Variants in GABRB3 observed in about 807,000 individuals in gnomAD.
GABRB3 encodes gamma-aminobutyric acid type A receptor subunit beta3.
Under a neutral mutation model 52.1 loss-of-function variants are expected in GABRB3, and 14 were observed. That is an observed-to-expected ratio of 0.27 (90% CI 0.18 to 0.42). The LOEUF (loss-of-function observed/expected upper bound fraction) is 0.42. GABRB3 is among the 10% of genes least tolerant of loss of function. The probability of loss-of-function intolerance (pLI) is 1.00; values close to 1 mark genes in which losing one functional copy is unlikely to be tolerated. For synonymous variants in GABRB3, 260 were observed against 232.3 expected (o/e 1.12, Z -1.08); for missense variants, 307 against 609.1 (o/e 0.50, Z 5.22).
At chr15:26,753,268 G>A (rs1339957926) in intron 3 of GABRB3, among the ~76,000 whole-genome samples, 1 of 152,190 alleles carries the variant, frequency 6.6e-6, no homozygotes, top group Non-Finnish European at 1.5e-5. Flanking sequence ...AGAGCCGTGA[G>A]GGCTACCTAC....
At chr15:26,646,742 A>G (rs559944358) in intron 3 of GABRB3, among the ~76,000 whole-genome samples, 9 of 152,290 alleles carry the variant, frequency 5.9e-5, no homozygotes, top group Admixed American at 2.0e-4. Context: ...TGGTCATCCT[A>G]GCTGGAATTA....
intron 3 of GABRB3, among the ~76,000 whole-genome samples, chr15:26,725,191 A>G (rs940058957): frequency 1.2e-4 from 19 of 152,318 alleles, no homozygotes; most frequent in African/African-American, 4.6e-4. Flanking sequence ...AAACATACAC[A>G]CAAAGGTCTG....
chr15:26,642,769 T>C (rs1012493408), intron 3 of GABRB3, among the ~76,000 whole-genome samples: 5 of 152,200 alleles, frequency 3.3e-5, no homozygotes, highest in Admixed American at 6.5e-5. Flanking sequence ...TGAACATTTA[T>C]TAAATGAATT....
At chr15:26,615,634 C>A in intron 4 of GABRB3, 1 of 626,326 alleles carries the variant, frequency 1.6e-6, no homozygotes, top group South Asian at 5.5e-5. Context: ...AGTTGACGTA[C>A]AAACCTACGT....
At chr15:26,668,914 AG>A (rs1286618831) in intron 3 of GABRB3, among the ~76,000 whole-genome samples, 1 of 152,240 alleles carries the variant, frequency 6.6e-6, no homozygotes, top group African/African-American at 2.4e-5. Context: ...TATTCCCTGC[AG>A]GGTACCCTTG....
chr15:26,669,829 G>C (rs1354772001), intron 3 of GABRB3, among the ~76,000 whole-genome samples: 2 of 152,140 alleles, frequency 1.3e-5, no homozygotes, highest in Admixed American at 6.5e-5. Flanking sequence ...TTGTTTCAAG[G>C]TTCTTGTTTT....
In GABRB3 at chr15:26,567,610, T is replaced by C; in HGVS notation, c.806A>G (p.Tyr269Cys). 3 of 1,614,024 alleles carry C rather than the reference T, an allele frequency of 1.9e-6. No individual in the cohort carries two copies. Among genetic ancestry groups the C allele is most frequent in the Non-Finnish European group, 2.5e-6 (3 of 1,180,012 alleles). ...ILSWVSFWIN[Y>C]DASAARVALG... The stretch of plus-strand genomic sequence containing the variant: ...GGCAACTCTAGCAGCAGATGCATCA[T>C]AATTGATCCAGAAGGACACCCACGA... Residue 269 changes from tyrosine to cysteine, a missense_variant, in exon 7 of 9, where the codon TAT becomes TGT. By Grantham distance (194) the Tyr-to-Cys change is radical (BLOSUM62 -2). Transcript: ENST00000311550.
chr15:26,656,503 C>T (rs1887377514), intron 3 of GABRB3, among the ~76,000 whole-genome samples: 1 of 152,174 alleles, frequency 6.6e-6, no homozygotes, highest in South Asian at 2.1e-4. Context: ...GTCTTCAATC[C>T]CTGGGCTGTG....
intron 4 of GABRB3, among the ~76,000 whole-genome samples, chr15:26,599,175 G>C (rs1891497619): frequency 6.6e-6 from 1 of 152,172 alleles, no homozygotes; most frequent in Non-Finnish European, 1.5e-5. Flanking sequence ...GCTTAAACCA[G>C]AAAGTCAAGC....
intron 3 of GABRB3, among the ~76,000 whole-genome samples, chr15:26,660,865 G>A (rs1887519685): frequency 6.6e-6 from 1 of 152,172 alleles, no homozygotes; most frequent in African/African-American, 2.4e-5. Flanking sequence ...TTGAGACAGG[G>A]TCTCGCTCTG....
chr15:26,657,948 C>A (rs1195560677), intron 3 of GABRB3, among the ~76,000 whole-genome samples: 1 of 152,200 alleles, frequency 6.6e-6, no homozygotes, highest in Non-Finnish European at 1.5e-5. Flanking sequence ...CTTCGTTAAA[C>A]TAACAAAGTA....
intron 4 of GABRB3, among the ~76,000 whole-genome samples, chr15:26,600,706 C>T (rs1437849333): frequency 1.3e-5 from 2 of 152,174 alleles, no homozygotes; most frequent in African/African-American, 4.8e-5. Flanking sequence ...TATCCCCTAG[C>T]TCTGCCTTAC....
chr15:26,705,596 A>G (rs1889073721), intron 3 of GABRB3, among the ~76,000 whole-genome samples: 1 of 152,246 alleles, frequency 6.6e-6, no homozygotes, highest in Non-Finnish European at 1.5e-5. Context: ...ATGCTGAGCA[A>G]AAAGCAAAAC....
At chr15:26,729,798 C>A (rs1463306209) in intron 3 of GABRB3, among the ~76,000 whole-genome samples, 3 of 152,202 alleles carry the variant, frequency 2.0e-5, no homozygotes, top group Non-Finnish European at 2.9e-5. Flanking sequence ...GCACTCCCTA[C>A]CTGCCAGGCT....
chr15:26,571,226 G>GTA (rs1890382710), intron 6 of GABRB3, among the ~76,000 whole-genome samples: 1 of 152,108 alleles, frequency 6.6e-6, no homozygotes, highest in African/African-American at 2.4e-5. Flanking sequence ...ACATGGAACA[G>GTA]TCTGCATCAG....
At chr15:26,613,931 C>T (rs1426218) in intron 4 of GABRB3, 151,881 of 152,348 alleles carry the variant, frequency 1, 75,708 homozygotes, top group East Asian at 1. Flanking sequence ...AGACACAGTG[C>T]AGCCATATAC....
chr15:26,768,090 G>C (rs1595360624), intron 3 of GABRB3, among the ~76,000 whole-genome samples: 1 of 152,026 alleles, frequency 6.6e-6, no homozygotes, highest in Admixed American at 6.6e-5. Flanking sequence ...CATAATGGAT[G>C]AGTATGTCTC....
chr15:26,563,473 G>A (rs1222973079), intron 7 of GABRB3, among the ~76,000 whole-genome samples: 3 of 152,212 alleles, frequency 2.0e-5, no homozygotes, highest in African/African-American at 7.2e-5. Flanking sequence ...ACTGTGGATG[G>A]TGGTGTGTTG....
intron 4 of GABRB3, among the ~76,000 whole-genome samples, chr15:26,599,046 C>T (rs1891493526): frequency 6.6e-6 from 1 of 152,122 alleles, no homozygotes; most frequent in Non-Finnish European, 1.5e-5. Context: ...GGAAGCTAGA[C>T]CAGCTTGACC....
Sources: gnomAD v4.1 joint callset for allele counts (sites outside exome capture counted in the v4.1 genomes callset) on GRCh38, gnomAD v4.1.1 for gene constraint, MANE v1.5 for transcripts, NCBI Gene and HGNC (gene_info 2026-07-23, HGNC 2026-07-21) for gene names.